The following MPP1 variants were observed in gnomAD, a reference collection of about 807,000 sequenced individuals.
MPP1 encodes the protein MAGUK p55 scaffold protein 1, also known as 55 kDa erythrocyte membrane protein.
Under a neutral mutation model 38.2 loss-of-function variants are expected in MPP1, and 6 were observed. The ratio of observed to expected loss-of-function variants is 0.16; its 90% CI spans 0.09 to 0.31. The LOEUF (loss-of-function observed/expected upper bound fraction) is 0.31, where lower values mean the gene tolerates loss of function less well. MPP1 is among the 10% of genes least tolerant of loss of function. MPP1 has a pLI of 1.00. For synonymous variants in MPP1, 153 were observed against 146.3 expected, an observed-to-expected ratio of 1.05 and a Z score of -0.33; for missense variants, 293 against 368.9, an observed-to-expected ratio of 0.79 and a Z score of 1.69.
chrX:154,792,204 T>C lies in MPP1; in HGVS notation c.184A>G (p.Lys62Glu). Residue 62 changes from lysine to glutamate, a missense_variant, in exon 2 of 12, where the codon AAG becomes GAG. Coordinates refer to ENST00000369534, the MANE Select transcript of MPP1 (RefSeq NM_002436.4). ...SPAPGSPAQV[K>E]GQEVRKVRLI... ...CGCACTTTCCGCACCTCCTGTCCCT[T>C]GACCTGGGCAGGGCTACCTGGGGCA... 1 of 1,211,849 alleles carries C rather than the reference T, an allele frequency of 8.3e-7. No homozygotes were observed. Among genetic ancestry groups the C allele is most frequent in the Non-Finnish European group, 1.1e-6 (1 of 895,385 alleles).
chrX:154,781,338 G>T, intron 10 of MPP1, 25 bp from the exon 11 acceptor site: 1 of 1,002,541 alleles, frequency 1.0e-6, no homozygotes, highest in Non-Finnish European at 1.4e-6. Flanking sequence ...GAAGGGCGGC[G>T]GGGAGGGGGG....
In MPP1 at chrX:154,778,998, A is replaced by C. The variant is rs1401510448; in HGVS notation, c.*179T>G. 2.4e-5 allele frequency: 11 copies of C among 458,654 alleles called. No homozygotes were observed. The highest frequency in any genetic ancestry group is 9.8e-5 in the African/African-American group (4 of 40,675). The allele number at this position is 458,654 out of a possible 1,213,427, so 37.8% of individuals were successfully genotyped here. A position where few individuals can be genotyped will look rare whatever the true frequency, so the allele number is the denominator to read the frequency against. ...CAGTGGGGCCCCATCTATCAGGAGAATCAACCCTTCAGGAGCCTGAGCAAG... is the reference window on the plus strand; with the variant it reads ...CAGTGGGGCCCCATCTATCAGGAGACTCAACCCTTCAGGAGCCTGAGCAAG... On this transcript the variant is annotated 3_prime_UTR_variant, in exon 12 of 12. Coordinates refer to ENST00000369534, the MANE Select transcript of MPP1 (RefSeq NM_002436.4).
At chrX:154,801,785 A>AAAAAAAAAAAAAAAAAAAAAAG (rs2072268412) in intron 1 of MPP1, among the ~76,000 whole-genome samples, 1 of 72,813 alleles carries the variant, frequency 1.4e-5, no homozygotes, top group Non-Finnish European at 2.5e-5. Flanking sequence ...AAAAAAAAAA[A>AAAAAAAAAAAAAAAAAAAAAAG]ACAAAAAACA....
chrX:154,785,207 T>TA, intron 6 of MPP1, 50 bp from the exon 7 acceptor site: 2 of 684,183 alleles, frequency 2.9e-6, no homozygotes, highest in Non-Finnish European at 3.9e-6. Flanking sequence ...CCTCCCCTCA[T>TA]ACCCCCCCCA....
intron 1 of MPP1, among the ~76,000 whole-genome samples, chrX:154,800,699 C>T (rs2072252255): frequency 8.9e-6 from 1 of 112,405 alleles, no homozygotes; most frequent in Non-Finnish European, 1.9e-5. Flanking sequence ...CCTGTCTGAG[C>T]TTAAAGGATG....
chrX:154,799,744 C>A lies in MPP1; in HGVS notation c.102+5528G>T, dbSNP rs781857395. 167 of 1,158,957 alleles carry A rather than the reference C, an allele frequency of 1.4e-4. 1 individual carries two copies. Among genetic ancestry groups the A allele is most frequent in the Non-Finnish European group, 1.9e-4 (165 of 868,361 alleles). ...GGAGGAGCCAGGGAATAAACACTCACCCAGGACTCCATGTCTGGCCTTTGT... is the reference window on the plus strand; with the variant it reads ...GGAGGAGCCAGGGAATAAACACTCAACCAGGACTCCATGTCTGGCCTTTGT... On this transcript the variant is annotated intron_variant, in intron 1 of 11. Transcript: ENST00000369534.
intron 3 of MPP1, among the ~76,000 whole-genome samples, chrX:154,791,390 TCACCAG>T (rs1486298276): frequency 8.9e-6 from 1 of 112,238 alleles, no homozygotes; most frequent in African/African-American, 3.2e-5. Context: ...TACTCCTCTT[TCACCAG>T]CAAGCTCCAT....
intron 10 of MPP1, 114 bp downstream of exon 10, chrX:154,781,486 C>G (rs2072000371): frequency 1.1e-6 from 1 of 891,999 alleles, no homozygotes; most frequent in Non-Finnish European, 1.6e-6. Context: ...CCAGGCTGAC[C>G]CCATTAAAAG....
chrX:154,785,214 C>A (rs112769441), intron 6 of MPP1, 57 bp from the exon 7 acceptor site: 36 of 903,864 alleles, frequency 4.0e-5, no homozygotes, highest in Non-Finnish European at 5.1e-5. Context: ...TCATACCCCC[C>A]CCAGCCACTC....
At chrX:154,799,912 T>C (rs932029395) in intron 1 of MPP1, 7 of 1,082,865 alleles carry the variant, frequency 6.5e-6, no homozygotes, top group Middle Eastern at 6.3e-4. Flanking sequence ...TAAAAAGAGA[T>C]GAAAAACAAA....
chrX:154,790,198 T>G (rs935334980), intron 4 of MPP1, among the ~76,000 whole-genome samples, 176 bp from the exon 5 acceptor site: 1 of 111,452 alleles, frequency 9.0e-6, no homozygotes, highest in African/African-American at 3.3e-5. Flanking sequence ...CATAACAATA[T>G]GAAGACATGC....
intron 7 of MPP1, chrX:154,784,586 T>C: frequency 4.4e-6 from 1 of 229,058 alleles, no homozygotes; most frequent in Non-Finnish European, 8.2e-6. Flanking sequence ...GATCATTCCC[T>C]GGCTGGTGGT....
intron 1 of MPP1, among the ~76,000 whole-genome samples, chrX:154,800,896 C>T (rs988206137): frequency 9.8e-5 from 11 of 112,181 alleles, no homozygotes; most frequent in Admixed American, 1.9e-4. Flanking sequence ...AGGAAGATAA[C>T]TTTTGAGGGA....
Position 154,779,168 on chromosome X carries a change from T to C in MPP1, c.*9A>G, listed in dbSNP as rs782119347. Reference sequence around the variant, plus strand: ...AGGGGCATACAGTGGGTTCCCCCATTCTACAAGCTTAGTAAACCCAGGAGA... The same window carrying C: ...AGGGGCATACAGTGGGTTCCCCCATCCTACAAGCTTAGTAAACCCAGGAGA... On this transcript the variant is annotated 3_prime_UTR_variant, in exon 12 of 12. Transcript: ENST00000369534. 4.2e-6 allele frequency: 5 copies of C among 1,203,146 alleles called. No individual in the cohort carries two copies. In the South Asian group the frequency reaches 9.1e-5, roughly 22 times the overall value.
intron 1 of MPP1, among the ~76,000 whole-genome samples, chrX:154,799,002 G>A (rs2072232296): frequency 1.8e-5 from 2 of 111,818 alleles, no homozygotes; most frequent in Admixed American, 1.9e-4. Flanking sequence ...CCAAAGTGCT[G>A]GGATTACAGG....
chrX:154,783,436 G>T lies in MPP1; in HGVS notation c.937C>A (p.Pro313Thr). The change falls in exon 9 of 12, where the codon CCT becomes ACT. Residue 313 changes from proline (P) to threonine (T), a missense_variant. By Grantham distance (38) the Pro-to-Thr change is conservative. Transcript: ENST00000369534. ...CCTAAGAGCTACTTACATGGGACAG[G>T]GTACACAAACTTCTCCGGATTCTGG... ...LSQNPEKFVYPVPYTTRPPRK... is the reference protein window; with the variant it reads ...LSQNPEKFVYTVPYTTRPPRK... 8.3e-7 allele frequency: 1 copy of T among 1,209,403 alleles called. No individual in the cohort carries two copies. The highest frequency in any genetic ancestry group is 1.1e-6 in the Non-Finnish European group (1 of 894,076).
chrX:154,790,922 A>G (rs1166623501), intron 4 of MPP1, 61 bp downstream of exon 4: 1 of 1,041,360 alleles, frequency 9.6e-7, no homozygotes, highest in African/African-American at 1.8e-5. Context: ...CACTGATACC[A>G]ATGTGGATCA....
intron 7 of MPP1, among the ~76,000 whole-genome samples, chrX:154,784,353 G>A (rs782599499): frequency 9.0e-6 from 1 of 111,012 alleles, no homozygotes; most frequent in African/African-American, 3.3e-5. Flanking sequence ...CTATCTCTCT[G>A]AGCCAACTTT....
rs1195942350 is a variant in MPP1, at chrX:154,789,965, G to C, written c.469C>G (p.Pro157Ala). 9 of 1,201,396 alleles carry C rather than the reference G, an allele frequency of 7.5e-6. No individual in the cohort carries two copies. In the Admixed American group the frequency reaches 1.8e-4, roughly 24 times the overall value. ...KVIPNQQSRL[P>A]ALQMFMRAQF... The stretch of plus-strand genomic sequence containing the variant: ...ATGGTGCCACCCACCTGTAGTGCAG[G>C]AAGACGGCTTTGCTGGTTGGGAATT... The change falls in exon 5 of 12, where the codon CCT becomes GCT. Residue 157 changes from proline to alanine, a missense_variant. Transcript: ENST00000369534.
Sources: gnomAD v4.1 joint callset for allele counts (sites outside exome capture counted in the v4.1 genomes callset) on GRCh38, gnomAD v4.1.1 for gene constraint, MANE v1.5 for transcripts, NCBI Gene and HGNC (gene_info 2026-07-23, HGNC 2026-07-21) for gene names.